SIPA1L2: variants seen among roughly 807,000 people sequenced by gnomAD.
The protein encoded by SIPA1L2 is signal induced proliferation associated 1 like 2, also known as signal-induced proliferation-associated 1-like protein 2.
A neutral mutation model predicts 163.9 loss-of-function variants in SIPA1L2; 56 were observed. That is an observed-to-expected ratio of 0.34 (90% CI 0.28 to 0.43). The LOEUF (loss-of-function observed/expected upper bound fraction) is 0.43, where lower values mean the gene tolerates loss of function less well. Among genes scored for constraint, SIPA1L2 ranks in the 20% least tolerant of loss-of-function variants. The pLI is 1.00. For synonymous variants in SIPA1L2, 877 were observed against 865.7 expected (o/e 1.01, Z -0.23); for missense variants, 1,974 against 2,193.5 (o/e 0.90, Z 2.00).
intron 1 of SIPA1L2, among the ~76,000 whole-genome samples, chr1:232,581,432 T>C (rs1265548391): frequency 6.6e-6 from 1 of 152,074 alleles, no homozygotes; most frequent in Non-Finnish European, 1.5e-5. Context: ...GAGCTCAACG[T>C]AGGGAAGGCA....
At chr1:232,562,113 G>A (rs1231771728) in intron 2 of SIPA1L2, among the ~76,000 whole-genome samples, 2 of 152,178 alleles carry the variant, frequency 1.3e-5, no homozygotes, top group Non-Finnish European at 2.9e-5. Flanking sequence ...TACTGATGAG[G>A]AGAAATGGGG....
chr1:232,559,034 ACACTCTAGAGTCCTCAT>A (rs774628459), intron 2 of SIPA1L2, among the ~76,000 whole-genome samples: 32 of 152,326 alleles, frequency 2.1e-4, no homozygotes, highest in Non-Finnish European at 4.3e-4. Context: ...TGTTAATTTC[ACACTCTAGAGTCCTCAT>A]CCCACCGGTG....
chr1:232,448,588 C>T (rs778668947), intron 10 of SIPA1L2, among the ~76,000 whole-genome samples: 4 of 152,124 alleles, frequency 2.6e-5, no homozygotes, highest in Admixed American at 6.5e-5. Context: ...CTCTAATACA[C>T]AGTATGTAAG....
At chr1:232,573,471 GAC>G (rs944688954) in intron 2 of SIPA1L2, among the ~76,000 whole-genome samples, 3 of 152,078 alleles carry the variant, frequency 2.0e-5, no homozygotes, top group African/African-American at 7.2e-5. Context: ...TTGTTGTGTA[GAC>G]ACAGACTGAG....
At chr1:232,413,655 T>C (rs945514514) in intron 19 of SIPA1L2, among the ~76,000 whole-genome samples, 1 of 152,352 alleles carries the variant, frequency 6.6e-6, no homozygotes, top group Admixed American at 6.5e-5. Flanking sequence ...TTACTAGCGC[T>C]TCTCCTTTGG....
chr1:232,574,490 T>C (rs1659973913), intron 1 of SIPA1L2, among the ~76,000 whole-genome samples: 1 of 152,216 alleles, frequency 6.6e-6, no homozygotes. Flanking sequence ...CACACATTAA[T>C]GAAATTTGCA....
At chr1:232,609,561 T>C (rs1662133341) in intron 1 of SIPA1L2, among the ~76,000 whole-genome samples, 2 of 152,072 alleles carry the variant, frequency 1.3e-5, no homozygotes, top group Non-Finnish European at 2.9e-5. Flanking sequence ...CTGGGCATAG[T>C]GGCTCACACC....
At chr1:232,501,745 C>T (rs1008612345) in intron 3 of SIPA1L2, among the ~76,000 whole-genome samples, 2 of 152,186 alleles carry the variant, frequency 1.3e-5, no homozygotes, top group South Asian at 2.1e-4. Context: ...CCTGTTTTCA[C>T]TCCCCTAAGC....
chr1:232,399,738 C>T (rs562777721), intron 22 of SIPA1L2, among the ~76,000 whole-genome samples: 2 of 152,140 alleles, frequency 1.3e-5, no homozygotes, highest in East Asian at 1.9e-4. Flanking sequence ...TCCATAATGA[C>T]CCTTAAAATC....
chr1:232,460,406 G>A (rs955408701), intron 10 of SIPA1L2, among the ~76,000 whole-genome samples: 1 of 152,108 alleles, frequency 6.6e-6, no homozygotes. Flanking sequence ...ATTTACCACA[G>A]AGAGTACCTG....
Position 232,445,547 on chromosome 1 carries a change from T to A in SIPA1L2, c.3335A>T (p.Lys1112Met). 1 of 1,613,886 alleles carries A rather than the reference T, an allele frequency of 6.2e-7. No individual in the cohort carries two copies. The highest frequency in any genetic ancestry group is 8.5e-7 in the Non-Finnish European group (1 of 1,179,904). The change falls in exon 11 of 23, where the codon AAG (lysine) becomes ATG (methionine). Residue 1112 changes from lysine to methionine, a missense_variant. Physicochemically the swap from Lys to Met is moderately conservative, Grantham distance 95. Transcript: ENST00000674635. ...GCATTACCTCGTGCCATCGGGCAGC[T>A]TCCGGTCGAAGGAGGTGCTTCGAGG... is the stretch of plus-strand genomic sequence containing the variant. ...AIPRSTSFDRKLPDGTRSSPS... is the reference protein window; with the variant it reads ...AIPRSTSFDRMLPDGTRSSPS...
At chr1:232,588,291 C>A (rs1660777149) in intron 1 of SIPA1L2, among the ~76,000 whole-genome samples, 1 of 152,164 alleles carries the variant, frequency 6.6e-6, no homozygotes, top group Non-Finnish European at 1.5e-5. Flanking sequence ...GGCTATCTGG[C>A]AGGCATTTTA....
intron 2 of SIPA1L2, among the ~76,000 whole-genome samples, chr1:232,552,060 G>C (rs756580755): frequency 6.6e-6 from 1 of 152,024 alleles, no homozygotes; most frequent in African/African-American, 2.4e-5. Flanking sequence ...GGCTGGTCTC[G>C]AATTCCTGAC....
chr1:232,425,815 T>A lies in SIPA1L2; in HGVS notation c.4411-7A>T. On this transcript the variant is annotated splice_polypyrimidine_tract_variant and splice_region_variant and intron_variant, in intron 17 of 22. Coordinates refer to ENST00000674635, the MANE Select transcript of SIPA1L2 (RefSeq NM_020808.5). ...GGTTCCCATAGAACGAAAACTAGGG[T>A]TTAAACAAGGTGCGAGGAGGGAACA... The A allele has an allele frequency of 6.2e-7, 1 of 1,612,142 alleles. No individual in the cohort carries two copies.
At chr1:232,533,833 G>C (rs966612257) in intron 2 of SIPA1L2, among the ~76,000 whole-genome samples, 1 of 152,158 alleles carries the variant, frequency 6.6e-6, no homozygotes, top group Non-Finnish European at 1.5e-5. Flanking sequence ...CAAGAATCCA[G>C]TAGCAAGTCT....
intron 2 of SIPA1L2, among the ~76,000 whole-genome samples, chr1:232,570,963 A>G (rs1659692678): frequency 6.8e-6 from 1 of 147,438 alleles, no homozygotes; most frequent in African/African-American, 2.5e-5. Flanking sequence ...AAAAAAAAAA[A>G]GGAGCTAAAC....
intron 3 of SIPA1L2, among the ~76,000 whole-genome samples, chr1:232,512,999 T>C (rs16857496): frequency 0.032 from 4,917 of 151,914 alleles, 230 homozygotes; most frequent in African/African-American, 0.099. Context: ...GACAGAAAAA[T>C]ATAGCTCTGA....
intron 18 of SIPA1L2, among the ~76,000 whole-genome samples, chr1:232,422,729 T>A (rs1047622687): frequency 6.6e-6 from 1 of 152,254 alleles, no homozygotes; most frequent in Non-Finnish European, 1.5e-5. Context: ...AGTGAAGCTA[T>A]ATCTCTCTGA....
chr1:232,601,579 AT>A (rs1474831513), intron 1 of SIPA1L2, among the ~76,000 whole-genome samples: 1 of 152,210 alleles, frequency 6.6e-6, no homozygotes, highest in Non-Finnish European at 1.5e-5. Flanking sequence ...TCTTCAACAC[AT>A]TTCTGTTATG....
Sources: allele counts gnomAD v4.1 joint callset (sites outside exome capture counted in the v4.1 genomes callset), GRCh38; gene constraint gnomAD v4.1.1; transcripts MANE v1.5; gene names NCBI Gene and HGNC (gene_info 2026-07-23, HGNC 2026-07-21).